ZFPM1: variants seen among roughly 807,000 people sequenced by gnomAD.
ZFPM1 encodes the protein zinc finger protein ZFPM1.
Under a neutral mutation model 46.3 loss-of-function variants are expected in ZFPM1, and 28 were observed. The observed-to-expected ratio is 0.60, with a 90% CI of 0.45 to 0.83. The LOEUF is 0.83. Among genes scored for constraint, ZFPM1 ranks in the 40% least tolerant of loss-of-function variants. The pLI is 0.00. For synonymous variants in ZFPM1, 957 were observed against 675.9 expected (o/e 1.42, Z -6.45); for missense variants, 1,878 against 1,432.4 (o/e 1.31, Z -5.02).
intron 1 of ZFPM1, among the ~76,000 whole-genome samples, chr16:88,454,879 C>T (rs1228891335): frequency 6.6e-6 from 1 of 152,188 alleles, no homozygotes. Context: ...TTTGTCCACA[C>T]GACCACTGCC....
intron 3 of ZFPM1, among the ~76,000 whole-genome samples, chr16:88,498,291 G>A (rs185869136): frequency 2.2e-4 from 34 of 152,302 alleles, no homozygotes; most frequent in South Asian, 1.5e-3. Context: ...TGTGTGTCTC[G>A]CAGCCACGCC....
In ZFPM1 at chr16:88,526,855, G is replaced by A; in HGVS notation, c.444G>A (p.Trp148Ter). Residue 148 changes from tryptophan (W) to a stop codon, truncating the protein, a stop_gained, in exon 5 of 10, where the codon TGG (tryptophan) becomes TGA (stop). Coordinates refer to ENST00000319555, the MANE Select transcript of ZFPM1 (RefSeq NM_153813.3). LOFTEE classifies it high-confidence loss of function. ...LTLLLVDEAC[W>*]LRTLPQALTE... ...TGCTGCTGGTGGACGAGGCCTGCTG[G>A]CTGAGGACGCTGCCCCAGGCCCTGA... 6.4e-7 allele frequency: 1 copy of A among 1,572,498 alleles called. No individual in the cohort carries two copies. The highest frequency in any genetic ancestry group is 8.6e-7 in the Non-Finnish European group (1 of 1,159,162).
Position 88,534,541 on chromosome 16 carries a change from G to T in ZFPM1, c.2583G>T (p.Pro861=), listed in dbSNP as rs1452102042. 5 of 1,382,140 alleles carry T rather than the reference G, an allele frequency of 3.6e-6. No individual in the cohort carries two copies. Among genetic ancestry groups the T allele is most frequent in the Admixed American group, 3.3e-5 (1 of 30,320 alleles). The allele number at this position is 1,382,140 out of a possible 1,614,324, so 85.6% of individuals were successfully genotyped here. A position where few individuals can be genotyped will look rare whatever the true frequency, so the allele number is the denominator to read the frequency against. Reference sequence around the variant, plus strand: ...CCGCCGCCTGCCCCTACTGCCCCCCGAACGGCCCGGTGCGCGGGGACCTGC... The same window carrying T: ...CCGCCGCCTGCCCCTACTGCCCCCCTAACGGCCCGGTGCGCGGGGACCTGC... ...LPAAACPYCP[P]NGPVRGDLLE... The change falls in exon 10 of 10, where the codon CCG becomes CCT. Residue 861 remains proline, a synonymous_variant. Coordinates refer to ENST00000319555, the MANE Select transcript of ZFPM1 (RefSeq NM_153813.3).
intron 3 of ZFPM1, among the ~76,000 whole-genome samples, chr16:88,495,991 C>T (rs1390125500): frequency 6.6e-6 from 1 of 152,150 alleles, no homozygotes; most frequent in Non-Finnish European, 1.5e-5. Context: ...GGGGCAGGCT[C>T]CCAGCAGTGA....
chr16:88,487,941 C>A (rs1909325314), intron 2 of ZFPM1, among the ~76,000 whole-genome samples: 1 of 152,246 alleles, frequency 6.6e-6, no homozygotes, highest in Non-Finnish European at 1.5e-5. Context: ...TCCTCCCTGT[C>A]CTTGCCGCCG....
At chr16:88,458,184 C>G (rs148409600) in intron 1 of ZFPM1, among the ~76,000 whole-genome samples, 10 of 152,338 alleles carry the variant, frequency 6.6e-5, no homozygotes, top group Middle Eastern at 3.4e-3. Context: ...TCCGTGAGCA[C>G]CGCGCTGCCT....
rs747178478 is a variant in ZFPM1 at position 88,532,678 on chromosome 16, G to A, written c.1011G>A (p.Arg337=). Residue 337 remains arginine (R), a synonymous_variant, in exon 8 of 10, where the codon CGG becomes CGA. Coordinates refer to ENST00000319555, the MANE Select transcript of ZFPM1 (RefSeq NM_153813.3). ...SAFTTKANCE[R]HLKVHTDTLS... is the part of the protein sequence containing the mutation. ...TCACCACCAAGGCCAACTGCGAGCG[G>A]CACCTCAAGGTGCACACGGACACGC... is the stretch of plus-strand genomic sequence containing the variant. 8.1e-6 allele frequency: 13 copies of A among 1,606,708 alleles called. No individual in the cohort carries two copies. The highest frequency in any genetic ancestry group is 1.1e-5 in the Non-Finnish European group (13 of 1,176,980).
At chr16:88,529,556 A>C (rs2142483564) in intron 6 of ZFPM1, among the ~76,000 whole-genome samples, 1 of 152,352 alleles carries the variant, frequency 6.6e-6, no homozygotes, top group South Asian at 2.1e-4. Context: ...GAAGCCACAG[A>C]GTCCACTGAG....
chr16:88,524,047 C>G (rs763403094), intron 4 of ZFPM1, among the ~76,000 whole-genome samples: 2 of 152,230 alleles, frequency 1.3e-5, no homozygotes, highest in African/African-American at 2.4e-5. Context: ...GAGTGATAAG[C>G]ATTAAACCGG....
rs1432387378 is a variant in ZFPM1 at position 88,488,927 on chromosome 16, CCCCAACCCGGCGCCCAGCG to C, written c.146-101_146-83del. ...ATGGGGGTGGCTCTGGGCCCGAGCT[CCCCAACCCGGCGCCCAGCG>C]CCTCAGCATCCTTCCCAGCTACAGG... On this transcript the variant is annotated intron_variant, in intron 2 of 9. Transcript: ENST00000319555. 6.0e-6 allele frequency: 9 copies of C among 1,499,324 alleles called. No homozygotes were observed. In the East Asian group the frequency reaches 2.1e-4, roughly 36 times the overall value. 92.9% of individuals were successfully genotyped at this position (1,499,324 alleles called of 1,614,324 possible).
At chr16:88,515,791 T>C (rs1911260026) in intron 4 of ZFPM1, among the ~76,000 whole-genome samples, 2 of 152,198 alleles carry the variant, frequency 1.3e-5, no homozygotes, top group Non-Finnish European at 2.9e-5. Flanking sequence ...GAAGCCATGG[T>C]GTTTAGAGCT....
intron 3 of ZFPM1, among the ~76,000 whole-genome samples, chr16:88,503,418 G>A (rs1910485082): frequency 1.5e-5 from 2 of 130,896 alleles, no homozygotes; most frequent in African/African-American, 3.2e-5. Context: ...ATCTGTGTCT[G>A]GGGGGCCCAC....
At chr16:88,462,100 T>C (rs1160767899) in intron 1 of ZFPM1, among the ~76,000 whole-genome samples, 3 of 152,206 alleles carry the variant, frequency 2.0e-5, no homozygotes, top group East Asian at 1.9e-4. Flanking sequence ...ATGTGGTGGC[T>C]GATCTTGGGC....
At chr16:88,514,097 T>C (rs566482135) in intron 3 of ZFPM1, among the ~76,000 whole-genome samples, 6 of 152,344 alleles carry the variant, frequency 3.9e-5, no homozygotes, top group African/African-American at 1.4e-4. Context: ...TCTGTGGGCC[T>C]GTCCCACCCG....
At chr16:88,472,274 G>T (rs1908461295) in intron 1 of ZFPM1, among the ~76,000 whole-genome samples, 2 of 152,132 alleles carry the variant, frequency 1.3e-5, no homozygotes, top group Admixed American at 1.3e-4. Flanking sequence ...GGTCCCAGGA[G>T]AAAGGGAAGA....
intron 3 of ZFPM1, among the ~76,000 whole-genome samples, chr16:88,510,120 C>T (rs960322953): frequency 1.3e-5 from 2 of 152,162 alleles, no homozygotes; most frequent in Admixed American, 6.5e-5. Context: ...CACCCCCTAA[C>T]CTCACGGCAC....
At chr16:88,490,666 G>A (rs1909513997) in intron 3 of ZFPM1, among the ~76,000 whole-genome samples, 1 of 152,204 alleles carries the variant, frequency 6.6e-6, no homozygotes, top group African/African-American at 2.4e-5. Flanking sequence ...CCACAACAGG[G>A]CAGCCGGGGC....
chr16:88,525,372 T>C (rs1026091183), intron 4 of ZFPM1, among the ~76,000 whole-genome samples: 1 of 152,160 alleles, frequency 6.6e-6, no homozygotes, highest in African/African-American at 2.4e-5. Context: ...CATGGCAGGG[T>C]TGGGCTGACT....
Position 88,533,348 on chromosome 16 carries a change from G to C in ZFPM1, c.1390G>C (p.Val464Leu), listed in dbSNP as rs1346977277. ...EPPAAPRSIKVEAVEEPEAAP... is the reference protein window; with the variant it reads ...EPPAAPRSIKLEAVEEPEAAP... ...CCCGGCGGCCCCCAGGAGCATCAAG[G>C]TGGAGGCGGTGGAGGAGCCGGAGGC... Residue 464 changes from valine (V) to leucine (L), a missense_variant, in exon 10 of 10, where the codon GTG becomes CTG. Val to Leu is a conservative substitution (Grantham distance 32). Coordinates refer to ENST00000319555, the MANE Select transcript of ZFPM1 (RefSeq NM_153813.3). The C allele has an allele frequency of 6.5e-7, 1 of 1,530,902 alleles. No homozygotes were observed. Among genetic ancestry groups the C allele is most frequent in the East Asian group, 2.5e-5 (1 of 40,168 alleles). 94.8% of individuals were successfully genotyped at this position (1,530,902 alleles called of 1,614,324 possible).
Sources: allele counts gnomAD v4.1 joint callset (sites outside exome capture counted in the v4.1 genomes callset), GRCh38; gene constraint gnomAD v4.1.1; transcripts MANE v1.5; gene names NCBI Gene and HGNC (gene_info 2026-07-23, HGNC 2026-07-21).